The following ERC1 variants were observed in gnomAD, a reference collection of about 807,000 sequenced individuals.
ERC1 encodes RAB6 interacting protein 2.
In ERC1, 56 loss-of-function variants were observed where a neutral mutation model predicts 132.0. The observed-to-expected ratio is 0.42, with a 90% CI of 0.34 to 0.53. ERC1 has a LOEUF of 0.53. Ranked by LOEUF, ERC1 falls within the 20% of genes least tolerant of loss-of-function variation. The pLI is 0.03. For missense variants in ERC1, 1,202 were observed against 1,349.9 expected, an observed-to-expected ratio of 0.89 and a Z score of 1.72; for synonymous variants, 478 against 476.1, an observed-to-expected ratio of 1.00 and a Z score of -0.05.
chr12:1,163,629 T>A (rs1188631537), intron 8 of ERC1, among the ~76,000 whole-genome samples: 2 of 152,236 alleles, frequency 1.3e-5, no homozygotes, highest in African/African-American at 2.4e-5. Flanking sequence ...TATGATTGGA[T>A]GATCTCCTAC....
chr12:1,022,849 C>T (rs1043625378), intron 1 of ERC1, among the ~76,000 whole-genome samples: 5 of 152,138 alleles, frequency 3.3e-5, no homozygotes, highest in Admixed American at 6.5e-5. Flanking sequence ...AACTCCTGAC[C>T]TCAAGTGATC....
intron 16 of ERC1, among the ~76,000 whole-genome samples, chr12:1,372,881 A>G (rs2087414374): frequency 6.6e-6 from 1 of 152,224 alleles, no homozygotes; most frequent in African/African-American, 2.4e-5. Flanking sequence ...AATTGATGGT[A>G]TTTTGGCATA....
chr12:1,183,707 T>C (rs535933553), intron 11 of ERC1, among the ~76,000 whole-genome samples: 84 of 152,302 alleles, frequency 5.5e-4, no homozygotes, highest in African/African-American at 1.9e-3. Context: ...TTACCTGATA[T>C]TTTTCTCCCA....
intron 16 of ERC1, chr12:1,381,218 T>C (rs2088615527): frequency 6.6e-6 from 1 of 152,272 alleles, no homozygotes; most frequent in Non-Finnish European, 1.5e-5. Context: ...TCCTTGATGG[T>C]GACTGTTGTT....
At chr12:992,700 A>G (rs565670718) in intron 1 of ERC1, among the ~76,000 whole-genome samples, 98 of 152,316 alleles carry the variant, frequency 6.4e-4, no homozygotes, top group African/African-American at 1.3e-3. Flanking sequence ...TGTAAATCAG[A>G]ATCTTCTTTT....
chr12:1,063,712 T>G (rs1397569432), intron 2 of ERC1, among the ~76,000 whole-genome samples: 1 of 152,216 alleles, frequency 6.6e-6, no homozygotes, highest in Non-Finnish European at 1.5e-5. Context: ...AGATTGTTCT[T>G]GATATGTGAA....
rs181882038 is a variant in ERC1 at position 1,223,629 on chromosome 12, C to T, written c.2352-13140C>T. Among the ~76,000 whole-genome samples the T allele has an allele frequency of 4.2e-3, 646 of 152,288 alleles. 9 individuals carry two copies. Among genetic ancestry groups the T allele is most frequent in the African/African-American group, 0.014 (567 of 41,558 alleles). On this transcript the variant is annotated intron_variant, in intron 12 of 18. Transcript: ENST00000360905. ...CAACTACTATTTTCTTTCCCATCTT[C>T]GTTTTTCTGTCTTCTTACACTTTTG...
intron 15 of ERC1, among the ~76,000 whole-genome samples, chr12:1,351,067 C>A (rs1409702799): frequency 6.6e-6 from 1 of 152,194 alleles, no homozygotes; most frequent in Non-Finnish European, 1.5e-5. Context: ...CCATCAGGCC[C>A]CACCTCCCAA....
chr12:1,274,851 G>T (rs867181722), intron 14 of ERC1, among the ~76,000 whole-genome samples: 17 of 152,198 alleles, frequency 1.1e-4, no homozygotes, highest in African/African-American at 3.4e-4. Context: ...AAGTAAGTAG[G>T]AATTAGTGAA....
intron 8 of ERC1, among the ~76,000 whole-genome samples, chr12:1,146,508 C>T (rs1357305783): frequency 2.7e-5 from 4 of 150,942 alleles, no homozygotes; most frequent in African/African-American, 9.8e-5. Context: ...AGTTATATGA[C>T]CTTATCATCA....
intron 12 of ERC1, among the ~76,000 whole-genome samples, chr12:1,200,311 G>A (rs891917693): frequency 5.9e-5 from 9 of 151,910 alleles, no homozygotes; most frequent in African/African-American, 2.2e-4. Flanking sequence ...TTTTCTCTTT[G>A]ACTGAAAGTT....
chr12:1,343,620 T>C (rs973447840), intron 15 of ERC1, among the ~76,000 whole-genome samples: 9 of 152,148 alleles, frequency 5.9e-5, no homozygotes, highest in Non-Finnish European at 1.3e-4. Context: ...TCATCAGTCG[T>C]TCACTTAACT....
intron 3 of ERC1, among the ~76,000 whole-genome samples, chr12:1,095,998 T>A (rs1943978623): frequency 6.6e-6 from 1 of 151,690 alleles, no homozygotes; most frequent in Admixed American, 6.6e-5. Flanking sequence ...TGATCTTGGC[T>A]CATTGCGGCC....
At chr12:1,331,514 GGA>G (rs2082858720) in intron 15 of ERC1, among the ~76,000 whole-genome samples, 1 of 152,186 alleles carries the variant, frequency 6.6e-6, no homozygotes, top group African/African-American at 2.4e-5. Context: ...CTTGACCCAG[GGA>G]GATAGTGGGG....
chr12:1,304,807 T>TG (rs1290197992), intron 15 of ERC1, among the ~76,000 whole-genome samples: 1 of 135,860 alleles, frequency 7.4e-6, no homozygotes, highest in Non-Finnish European at 1.5e-5. Flanking sequence ...TTTTTTTTTT[T>TG]GAGACGGAGT....
In ERC1 at chr12:1,280,220, T is replaced by C. The variant is rs145079349; in HGVS notation, c.2620-9632T>C. ...CCAAGATACGGCTGAAAGTAAAGCC[T>C]TGGGAGCCAGATGGCTTCCCGCTGA... On this transcript the variant is annotated intron_variant, in intron 14 of 18. Coordinates refer to ENST00000360905, the MANE Select transcript of ERC1 (RefSeq NM_178040.4). Among the ~76,000 whole-genome samples the C allele has an allele frequency of 5.1e-3, 773 of 152,354 alleles. 9 individuals carry two copies. The highest frequency in any genetic ancestry group is 0.018 in the African/African-American group (740 of 41,584).
intron 7 of ERC1, among the ~76,000 whole-genome samples, chr12:1,136,122 T>TAA (rs1282103101): frequency 4.6e-5 from 7 of 152,218 alleles, no homozygotes; most frequent in Admixed American, 6.5e-5. Flanking sequence ...CTCTCTTTTA[T>TAA]CCCTTATATA....
chr12:1,423,082 A>C (rs2092486500), intron 17 of ERC1, among the ~76,000 whole-genome samples: 3 of 152,178 alleles, frequency 2.0e-5, no homozygotes, highest in African/African-American at 7.2e-5. Context: ...CTTTGTAAAC[A>C]GTCATATTCT....
chr12:1,116,754 T>C (rs1946493964), intron 7 of ERC1, among the ~76,000 whole-genome samples: 1 of 152,092 alleles, frequency 6.6e-6, no homozygotes, highest in African/African-American at 2.4e-5. Context: ...GGCTAATTTT[T>C]GTATTTTTAG....
Sources: gnomAD v4.1 joint callset for allele counts (sites outside exome capture counted in the v4.1 genomes callset) on GRCh38, gnomAD v4.1.1 for gene constraint, MANE v1.5 for transcripts, NCBI Gene and HGNC (gene_info 2026-07-23, HGNC 2026-07-21) for gene names.